The following MAGI2 variants were observed in gnomAD, a reference collection of about 807,000 sequenced individuals.
MAGI2 encodes the protein membrane-associated guanylate kinase, WW and PDZ domain-containing protein 2.
In MAGI2, 35 loss-of-function variants were observed where a neutral mutation model predicts 133.3. That is an observed-to-expected ratio of 0.26 (90% CI 0.20 to 0.35). The LOEUF (loss-of-function observed/expected upper bound fraction) is 0.35. Among genes scored for constraint, MAGI2 ranks in the 10% least tolerant of loss-of-function variants. The pLI is 1.00. For missense variants in MAGI2, 1,636 were observed against 1,863.4 expected (o/e 0.88, Z 2.25); for synonymous variants, 729 against 710.6 (o/e 1.03, Z -0.41).
At chr7:78,583,012 G>T (rs1803003179) in intron 3 of MAGI2, among the ~76,000 whole-genome samples, 1 of 152,090 alleles carries the variant, frequency 6.6e-6, no homozygotes, top group African/African-American at 2.4e-5. Flanking sequence ...AAAATTCTGT[G>T]ATTCTTTTAT....
chr7:79,027,412 T>C (rs1810005526), intron 1 of MAGI2, among the ~76,000 whole-genome samples: 1 of 151,720 alleles, frequency 6.6e-6, no homozygotes, highest in Non-Finnish European at 1.5e-5. Flanking sequence ...GCAACATGGA[T>C]GGGATTGGAG....
intron 6 of MAGI2, among the ~76,000 whole-genome samples, chr7:78,386,563 G>A (rs35025607): frequency 0.16 from 24,755 of 152,164 alleles, 2,180 homozygotes; most frequent in South Asian, 0.23. Context: ...TACCTGGCAT[G>A]TAAAGAGCCA....
intron 3 of MAGI2, among the ~76,000 whole-genome samples, chr7:78,583,723 T>C (rs1303921840): frequency 6.6e-6 from 1 of 152,130 alleles, no homozygotes; most frequent in African/African-American, 2.4e-5. Context: ...TTTTGGGGAA[T>C]ACTGTAAATG....
At chr7:79,053,870 CCTT>C (rs1812901786) in intron 1 of MAGI2, among the ~76,000 whole-genome samples, 1 of 152,048 alleles carries the variant, frequency 6.6e-6, no homozygotes, top group Admixed American at 6.6e-5. Flanking sequence ...ATGACTAAAT[CCTT>C]CTGAACTTGT....
At chr7:79,417,413 T>G (rs987621075) in intron 1 of MAGI2, among the ~76,000 whole-genome samples, 8 of 152,168 alleles carry the variant, frequency 5.3e-5, no homozygotes, top group Admixed American at 5.2e-4. Flanking sequence ...TACTTATCTT[T>G]GCATTCATAT....
intron 3 of MAGI2, among the ~76,000 whole-genome samples, chr7:78,541,074 C>T (rs1354324592): frequency 6.6e-6 from 1 of 152,186 alleles, no homozygotes; most frequent in Admixed American, 6.5e-5. Flanking sequence ...ACATGCTGTT[C>T]TATCTGTCCA....
intron 2 of MAGI2, among the ~76,000 whole-genome samples, chr7:78,926,117 C>T (rs752226547): frequency 1.3e-5 from 2 of 152,040 alleles, no homozygotes; most frequent in Non-Finnish European, 2.9e-5. Context: ...TGTTTCTCTC[C>T]CTCATCTGTT....
At chr7:78,572,749 G>T (rs1256519664) in intron 3 of MAGI2, among the ~76,000 whole-genome samples, 1 of 151,512 alleles carries the variant, frequency 6.6e-6, no homozygotes, top group Non-Finnish European at 1.5e-5. Context: ...CGCAACCTCC[G>T]CCTCCCAGGT....
At chr7:78,354,471 A>C (rs1791859159) in intron 7 of MAGI2, among the ~76,000 whole-genome samples, 1 of 152,140 alleles carries the variant, frequency 6.6e-6, no homozygotes, top group South Asian at 2.1e-4. Context: ...GATGTCTGGG[A>C]TTATCCAGGA....
chr7:78,544,468 T>G (rs1798655627), intron 3 of MAGI2, among the ~76,000 whole-genome samples: 1 of 152,188 alleles, frequency 6.6e-6, no homozygotes, highest in African/African-American at 2.4e-5. Context: ...ATTTGTAAGG[T>G]GGGGATACAA....
intron 1 of MAGI2, among the ~76,000 whole-genome samples, chr7:79,365,011 A>G (rs1842608313): frequency 6.6e-6 from 1 of 151,996 alleles, no homozygotes; most frequent in Admixed American, 6.6e-5. Flanking sequence ...CTAACAAAGG[A>G]GTAGGAAAAA....
intron 21 of MAGI2, among the ~76,000 whole-genome samples, chr7:78,040,216 T>C (rs1810657432): frequency 6.6e-6 from 1 of 152,238 alleles, no homozygotes; most frequent in Non-Finnish European, 1.5e-5. Context: ...ACTATTTTTG[T>C]ATGTCTTTTC....
In MAGI2 at chr7:78,636,515, A is replaced by G. The variant is rs566365442; in HGVS notation, c.419-9276T>C. Among the ~76,000 whole-genome samples, 12 of 152,248 alleles carry G rather than the reference A, an allele frequency of 7.9e-5. No individual in the cohort carries two copies. In the South Asian group the frequency reaches 2.5e-3, roughly 32 times the overall value. On this transcript the variant is annotated intron_variant, in intron 2 of 21. Coordinates refer to ENST00000354212, the MANE Select transcript of MAGI2 (RefSeq NM_012301.4). Reference sequence around the variant, plus strand: ...TGTTTCTTAAAACATAGGCTGCATCAAGGCCGGGCGCTGTGGCTCACGCCT... The same window carrying G: ...TGTTTCTTAAAACATAGGCTGCATCGAGGCCGGGCGCTGTGGCTCACGCCT...
At chr7:78,190,796 C>G (rs1584328346) in intron 12 of MAGI2, among the ~76,000 whole-genome samples, 1 of 152,182 alleles carries the variant, frequency 6.6e-6, no homozygotes. Context: ...CAAGAACATT[C>G]AAGCCATTCC....
At chr7:78,942,840 T>C (rs1038323866) in intron 2 of MAGI2, among the ~76,000 whole-genome samples, 2 of 151,956 alleles carry the variant, frequency 1.3e-5, no homozygotes, top group Non-Finnish European at 2.9e-5. Flanking sequence ...CATGTCTAAG[T>C]TGACTTTCAT....
intron 3 of MAGI2, among the ~76,000 whole-genome samples, chr7:78,523,355 C>G (rs62468577): frequency 2.6e-5 from 4 of 151,678 alleles, no homozygotes; most frequent in Admixed American, 2.0e-4. Context: ...GCCCGACGCC[C>G]GTAGTCCCAT....
intron 21 of MAGI2, among the ~76,000 whole-genome samples, chr7:78,031,708 AT>A (rs1809584447): frequency 6.6e-6 from 1 of 152,236 alleles, no homozygotes; most frequent in Non-Finnish European, 1.5e-5. Flanking sequence ...GAGAAAAGGG[AT>A]GAGAATAATT....
chr7:79,184,431 A>G (rs963747885), intron 1 of MAGI2, among the ~76,000 whole-genome samples: 3 of 151,464 alleles, frequency 2.0e-5, no homozygotes, highest in Non-Finnish European at 4.4e-5. Flanking sequence ...TAAAAATAAG[A>G]AACAATAAAA....
chr7:78,702,711 G>A (rs1818203517), intron 2 of MAGI2, among the ~76,000 whole-genome samples: 1 of 151,982 alleles, frequency 6.6e-6, no homozygotes, highest in African/African-American at 2.4e-5. Flanking sequence ...ATTAGATTTG[G>A]AGGTAGAAAG....
Sources: gnomAD v4.1 joint callset for allele counts (sites outside exome capture counted in the v4.1 genomes callset) on GRCh38, gnomAD v4.1.1 for gene constraint, MANE v1.5 for transcripts, NCBI Gene and HGNC (gene_info 2026-07-23, HGNC 2026-07-21) for gene names.